Variants in ZNF69 observed in about 807,000 individuals in gnomAD.
The protein encoded by ZNF69 is zinc finger protein 69.
Under a neutral mutation model 50.9 loss-of-function variants are expected in ZNF69, and 47 were observed. That is an observed-to-expected ratio of 0.92 (90% confidence interval 0.73 to 1.18). The LOEUF is 1.18. ZNF69 is among the 50% of genes most tolerant of loss of function. The pLI is 0.00. For synonymous variants in ZNF69, 216 were observed against 223.1 expected, an observed-to-expected ratio of 0.97 and a Z score of 0.29; for missense variants, 717 against 675.1, an observed-to-expected ratio of 1.06 and a Z score of -0.69.
the ZNF69 span, among the ~76,000 whole-genome samples, chr19:11,959,284 G>GT: frequency 7.9e-5 from 12 of 152,296 alleles, no homozygotes; most frequent in South Asian, 6.2e-4. Context: ...GAAGGAAATA[G>GT]TTTTTTAATA....
the ZNF69 span, among the ~76,000 whole-genome samples, chr19:11,931,420 C>G: frequency 6.8e-6 from 1 of 148,096 alleles, no homozygotes; most frequent in Non-Finnish European, 1.5e-5. Flanking sequence ...TCATCTAATC[C>G]TAATTACTTC....
At chr19:11,955,387 T>C in the ZNF69 span, among the ~76,000 whole-genome samples, 2 of 148,824 alleles carry the variant, frequency 1.3e-5, no homozygotes, top group Non-Finnish European at 2.9e-5. Context: ...GATTTCTTTT[T>C]CTTTCTTTCT....
At chr19:11,943,273 A>G in the ZNF69 span, among the ~76,000 whole-genome samples, 1 of 152,190 alleles carries the variant, frequency 6.6e-6, no homozygotes, top group Non-Finnish European at 1.5e-5. Context: ...TTGATTATTT[A>G]TATGCAGACA....
At chr19:11,977,483 A>C in the ZNF69 span, 1 of 1,587,422 alleles carries the variant, frequency 6.3e-7, no homozygotes. Context: ...TTAGTATATG[A>C]TAATATGTTG....
chr19:11,948,299 A>T, the ZNF69 span: 1 of 1,613,294 alleles, frequency 6.2e-7, no homozygotes, highest in Non-Finnish European at 8.5e-7. Flanking sequence ...GAGAAAGTCA[A>T]TGAAATTAAA....
At chr19:11,949,109 A>G in the ZNF69 span, 1 of 1,612,528 alleles carries the variant, frequency 6.2e-7, no homozygotes, top group Non-Finnish European at 8.5e-7. Context: ...GAAAGACCTT[A>G]TAAATGTAAG....
At chr19:11,896,508 G>C (rs149963824) in intron 1 of ZNF69, among the ~76,000 whole-genome samples, 2 of 152,088 alleles carry the variant, frequency 1.3e-5, no homozygotes, top group East Asian at 3.9e-4. Context: ...GTAAGGGCCC[G>C]CTTCCTGGTT....
chr19:11,955,867 G>A, the ZNF69 span, among the ~76,000 whole-genome samples: 1 of 151,994 alleles, frequency 6.6e-6, no homozygotes, highest in African/African-American at 2.4e-5. Flanking sequence ...ATTCACATAT[G>A]GTTAATGTGT....
At chr19:11,926,730 G>A in the ZNF69 span, 1 of 154,270 alleles carries the variant, frequency 6.5e-6, no homozygotes, top group Admixed American at 6.6e-5. Context: ...TTAGGGGTAA[G>A]CTTTTATAAG....
chr19:11,917,508 G>A (rs1270604988), downstream of ZNF69, among the ~76,000 whole-genome samples: 1 of 152,180 alleles, frequency 6.6e-6, no homozygotes, highest in Non-Finnish European at 1.5e-5. Context: ...TGTAACTATT[G>A]GAGTGTGGGT....
the ZNF69 span, among the ~76,000 whole-genome samples, chr19:11,962,324 A>G: frequency 6.0e-4 from 92 of 152,306 alleles, 1 homozygote; most frequent in Admixed American, 6.0e-3. Flanking sequence ...TTTCTTAAGG[A>G]TTCTACCTGC....
chr19:11,967,433 C>G, the ZNF69 span, among the ~76,000 whole-genome samples: 5 of 151,934 alleles, frequency 3.3e-5, no homozygotes, highest in Admixed American at 6.5e-5. Flanking sequence ...GAGACGGAGT[C>G]TCGCTCTGTT....
the ZNF69 span, among the ~76,000 whole-genome samples, chr19:11,920,272 C>T: frequency 1.1e-4 from 16 of 151,838 alleles, no homozygotes; most frequent in Non-Finnish European, 1.6e-4. Flanking sequence ...CTACCATGTC[C>T]GGATAATTTT....
chr19:11,941,349 G>A, the ZNF69 span, among the ~76,000 whole-genome samples: 24 of 152,228 alleles, frequency 1.6e-4, no homozygotes, highest in African/African-American at 5.1e-4. Flanking sequence ...AGCAGGGGGC[G>A]GCGCTCATCG....
downstream of ZNF69, among the ~76,000 whole-genome samples, chr19:11,911,387 G>A (rs1189061651): frequency 6.6e-6 from 1 of 152,018 alleles, no homozygotes; most frequent in Non-Finnish European, 1.5e-5. Flanking sequence ...TGTTTATTGT[G>A]GCACTATTCA....
the ZNF69 span, chr19:11,946,725 T>C: frequency 1.3e-5 from 2 of 153,326 alleles, no homozygotes; most frequent in Non-Finnish European, 2.9e-5. Flanking sequence ...CTCCATAGTC[T>C]CCCTTAAATC....
downstream of ZNF69, among the ~76,000 whole-genome samples, chr19:11,908,026 C>G (rs990443514): frequency 4.5e-4 from 68 of 152,132 alleles, no homozygotes; most frequent in Non-Finnish European, 2.6e-4. Flanking sequence ...GGTTGCAATC[C>G]TAGTCTCTGA....
the ZNF69 span, among the ~76,000 whole-genome samples, chr19:11,927,422 TTAAATAAA>T: frequency 0.077 from 11,001 of 143,048 alleles, 781 homozygotes; most frequent in African/African-American, 0.19. Context: ...CTGTCTCTAT[TTAAATAAA>T]TAAATAAATA....
Position 11,897,444 on chromosome 19 carries a change from G to A in ZNF69, c.64-6129G>A, listed in dbSNP as rs186083069. Among the ~76,000 whole-genome samples the A allele has an allele frequency of 3.9e-5, 6 of 152,122 alleles. No individual in the cohort carries two copies. In the East Asian group the frequency reaches 1.2e-3, roughly 29 times the overall value. On this transcript the variant is annotated intron_variant, in intron 1 of 3. Transcript: ENST00000429654. ...CAAAAAATTACCTCGTCACTGTGATGTGTGCCTGTAGTCCCAGCTACTCAG... is the reference window on the plus strand; with the variant it reads ...CAAAAAATTACCTCGTCACTGTGATATGTGCCTGTAGTCCCAGCTACTCAG...
Sources: allele counts gnomAD v4.1 joint callset (sites outside exome capture counted in the v4.1 genomes callset), GRCh38; gene constraint gnomAD v4.1.1; transcripts MANE v1.5; gene names NCBI Gene and HGNC (gene_info 2026-07-23, HGNC 2026-07-21).